Variants in CYP4X1 observed in about 807,000 individuals in gnomAD.
CYP4X1 encodes cytochrome P450 4X1.
CYP4X1 carries 44 observed loss-of-function variants against 57.9 expected under a neutral mutation model. That is an observed-to-expected ratio of 0.76 (90% confidence interval 0.60 to 0.98). The LOEUF is 0.98. Ranked by LOEUF, CYP4X1 falls within the 50% of genes least tolerant of loss-of-function variation. CYP4X1 has a pLI of 0.00. For synonymous variants in CYP4X1, 227 were observed against 228.6 expected, an observed-to-expected ratio of 0.99 and a Z score of 0.06; for missense variants, 532 against 623.9, an observed-to-expected ratio of 0.85 and a Z score of 1.57.
At chr1:47,023,534 A>AT, upstream of CYP4X1, 1 of 1,180,110 alleles carries the variant, frequency 8.5e-7, no homozygotes. Context: ...GTGACTGAAA[A>AT]CTGTTGGACT....
chr1:46,981,238 C>T, the CYP4X1 span, among the ~76,000 whole-genome samples: 1 of 152,034 alleles, frequency 6.6e-6, no homozygotes, highest in Non-Finnish European at 1.5e-5. Flanking sequence ...ACCCATCTAA[C>T]AAGGGCTAAT....
the CYP4X1 span, among the ~76,000 whole-genome samples, chr1:46,999,489 C>G: frequency 6.6e-6 from 1 of 152,086 alleles, no homozygotes; most frequent in Admixed American, 6.6e-5. Flanking sequence ...ACCTAGTGGT[C>G]TATCAACTTT....
chr1:47,023,754 C>A lies in CYP4X1; in HGVS notation c.-64C>A, dbSNP rs1644025379. On this transcript the variant is annotated 5_prime_UTR_variant, in exon 1 of 12. Coordinates refer to ENST00000371901, the MANE Select transcript of CYP4X1 (RefSeq NM_178033.2). ...TGGGCGACCCTACGCCAGCTCCGGG[C>A]GGGAGAAAGCCCACCCTCTCCCGCG... 20 of 1,554,436 alleles carry A rather than the reference C, an allele frequency of 1.3e-5. No homozygotes were observed. The highest frequency in any genetic ancestry group is 1.5e-5 in the Non-Finnish European group (17 of 1,151,216).
the CYP4X1 span, chr1:46,967,773 G>A: frequency 7.4e-7 from 1 of 1,354,774 alleles, no homozygotes. Context: ...TGCCGACCGG[G>A]ATCCTGGTGG....
At chr1:47,024,041 G>C in intron 1 of CYP4X1, 47 bp downstream of exon 1, 1 of 1,567,980 alleles carries the variant, frequency 6.4e-7, no homozygotes, top group Non-Finnish European at 8.6e-7. Context: ...GGGCGGAGGA[G>C]GATGCGGCAG....
At chr1:46,990,849 A>G in the CYP4X1 span, among the ~76,000 whole-genome samples, 1 of 152,066 alleles carries the variant, frequency 6.6e-6, no homozygotes, top group Non-Finnish European at 1.5e-5. Flanking sequence ...GAGTTGAACA[A>G]TGAGAACACA....
chr1:46,980,364 A>G, the CYP4X1 span, among the ~76,000 whole-genome samples: 1 of 152,124 alleles, frequency 6.6e-6, no homozygotes, highest in African/African-American at 2.4e-5. Context: ...TCATGAATGA[A>G]CTCCCATTCA....
rs34482823 is a variant in CYP4X1, at chr1:47,048,079, CAA to C, written c.1208-474_1208-473del. Among the ~76,000 whole-genome samples the C allele has an allele frequency of 2.0e-3, 275 of 136,356 alleles. 1 individual carries two copies. Among genetic ancestry groups the C allele is most frequent in the African/African-American group, 3.7e-3 (137 of 37,332 alleles). 89.5% of individuals were successfully genotyped at this position (136,356 alleles called of 152,430 possible). ...GCAACATAGGGAGACCCTGTCTTTA[CAA>C]AAAAAAAAAAAGAGAGAGATAGCCA... On this transcript the variant is annotated intron_variant, in intron 9 of 11. Transcript: ENST00000371901.
Position 47,037,648 on chromosome 1 carries a change from G to A in CYP4X1, c.776-1012G>A, listed in dbSNP as rs79550775. 5.0e-3 allele frequency among the ~76,000 whole-genome samples: 754 copies of A among 152,178 alleles called. 12 individuals are homozygous for A. The highest frequency in any genetic ancestry group is 0.047 in the East Asian group (245 of 5,182). On this transcript the variant is annotated intron_variant, in intron 6 of 11. Coordinates refer to ENST00000371901, the MANE Select transcript of CYP4X1 (RefSeq NM_178033.2). ...CATCCCTGACATCTACCCACTCGAT[G>A]TAGTAGAGCTCTGATAGTTATAGCA...
chr1:46,976,329 G>A, the CYP4X1 span, among the ~76,000 whole-genome samples: 14 of 152,168 alleles, frequency 9.2e-5, no homozygotes, highest in African/African-American at 2.7e-4. Flanking sequence ...CCATGCCCAT[G>A]GAGCCTTGCT....
In CYP4X1 at chr1:47,023,997, A is replaced by G; in HGVS notation, c.177+3A>G. On this transcript the variant is annotated splice_donor_region_variant and intron_variant, in intron 1 of 11. Transcript: ENST00000371901. ...ACTGGTTCCTTGGGCACCAGAAGGT[A>G]GATGGGAGGGAGGAGGGAGGAAGGA... 6.2e-7 allele frequency: 1 copy of G among 1,610,766 alleles called. No homozygotes were observed. Among genetic ancestry groups the G allele is most frequent in the Non-Finnish European group, 8.5e-7 (1 of 1,178,448 alleles).
At chr1:47,031,119 T>C (rs959109978) in intron 2 of CYP4X1, among the ~76,000 whole-genome samples, 2 of 152,274 alleles carry the variant, frequency 1.3e-5, no homozygotes, top group Non-Finnish European at 2.9e-5. Context: ...GTAAAGGATA[T>C]ATGTTGTCCC....
At chr1:46,990,821 G>T in the CYP4X1 span, among the ~76,000 whole-genome samples, 1 of 152,044 alleles carries the variant, frequency 6.6e-6, no homozygotes, top group Non-Finnish European at 1.5e-5. Context: ...AACATCGCAT[G>T]TTCTCACTCA....
the CYP4X1 span, among the ~76,000 whole-genome samples, chr1:47,007,847 A>C: frequency 5.3e-5 from 8 of 152,250 alleles, no homozygotes; most frequent in African/African-American, 1.9e-4. Flanking sequence ...CATCAAATGA[A>C]TGAAATGAAG....
chr1:46,999,183 G>C, the CYP4X1 span, among the ~76,000 whole-genome samples: 1 of 151,954 alleles, frequency 6.6e-6, no homozygotes, highest in Non-Finnish European at 1.5e-5. Flanking sequence ...GTAGTATTTG[G>C]CTGTAACCCA....
chr1:47,031,735 CCT>C (rs932103349), intron 3 of CYP4X1, among the ~76,000 whole-genome samples: 4 of 152,056 alleles, frequency 2.6e-5, no homozygotes, highest in African/African-American at 4.8e-5. Context: ...GAATCTGTCC[CCT>C]CTCTCTTTAA....
the CYP4X1 span, among the ~76,000 whole-genome samples, chr1:46,983,591 G>A: frequency 6.6e-6 from 1 of 152,200 alleles, no homozygotes; most frequent in Non-Finnish European, 1.5e-5. Context: ...ACCCAGGTCG[G>A]GAAAACCTGC....
At chr1:47,029,081 G>A (rs1327465912) in intron 1 of CYP4X1, among the ~76,000 whole-genome samples, 1 of 152,180 alleles carries the variant, frequency 6.6e-6, no homozygotes, top group Non-Finnish European at 1.5e-5. Context: ...CTCTCCAGAG[G>A]ATGAGAGCAA....
the CYP4X1 span, chr1:46,961,688 A>G: frequency 7.7e-7 from 1 of 1,292,838 alleles, no homozygotes; most frequent in East Asian, 5.5e-5. Context: ...TCTCTATTTG[A>G]CCCAACCAAC....
Sources: allele counts gnomAD v4.1 joint callset (sites outside exome capture counted in the v4.1 genomes callset), GRCh38; gene constraint gnomAD v4.1.1; transcripts MANE v1.5; gene names NCBI Gene and HGNC (gene_info 2026-07-23, HGNC 2026-07-21).